Variants in SPDYE14 observed in about 807,000 individuals in gnomAD.
The protein encoded by SPDYE14 is speedy protein E14.
the SPDYE14 span, among the ~76,000 whole-genome samples, chr7:75,240,632 T>TAA: frequency 1.8e-5 from 1 of 54,286 alleles, no homozygotes; most frequent in African/African-American, 5.6e-5. Context: ...ACAACAACAA[T>TAA]AAAAAAAAAA....
chr7:75,237,688 G>T, the SPDYE14 span: 1 of 104,838 alleles, frequency 9.5e-6, no homozygotes, highest in African/African-American at 2.7e-5. Context: ...GGAGCAGCTG[G>T]TGTTCGCTGT....
At chr7:75,275,739 TAAAAA>T in the SPDYE14 span, among the ~76,000 whole-genome samples, 65 of 14,552 alleles carry the variant, frequency 4.5e-3, 23 homozygotes, top group Non-Finnish European at 9.6e-3. Context: ...AAAAATAAAT[TAAAAA>T]AAAAAAAAAA....
At chr7:75,278,953 A>G in the SPDYE14 span, among the ~76,000 whole-genome samples, 1 of 97,250 alleles carries the variant, frequency 1.0e-5, no homozygotes, top group Non-Finnish European at 2.1e-5. Flanking sequence ...AAAAAAAAAA[A>G]AAAAAAATAG....
the SPDYE14 span, among the ~76,000 whole-genome samples, chr7:75,247,481 A>AAAAG: frequency 8.0e-3 from 881 of 109,632 alleles, 67 homozygotes; most frequent in African/African-American, 0.012. Context: ...AGAAAGAAAG[A>AAAAG]AAAGAAAGAA....
the SPDYE14 span, among the ~76,000 whole-genome samples, chr7:75,249,139 GAATT>G: frequency 3.1e-5 from 1 of 32,660 alleles, no homozygotes; most frequent in African/African-American, 8.0e-5. Context: ...GGTAATGAGT[GAATT>G]CTTGCTCTAT....
chr7:75,249,533 G>A, the SPDYE14 span, among the ~76,000 whole-genome samples: 1 of 132,962 alleles, frequency 7.5e-6, no homozygotes, highest in African/African-American at 3.0e-5. Context: ...CCTGGAGAAG[G>A]TGTGGCTGTG....
At chr7:75,261,051 G>C in the SPDYE14 span, among the ~76,000 whole-genome samples, 1 of 82,646 alleles carries the variant, frequency 1.2e-5, no homozygotes, top group Non-Finnish European at 3.0e-5. Flanking sequence ...CTTGAACCTG[G>C]GAGGTGGAGG....
chr7:75,275,743 A>T, the SPDYE14 span, among the ~76,000 whole-genome samples: 6 of 26,742 alleles, frequency 2.2e-4, 2 homozygotes, highest in South Asian at 5.0e-3. Context: ...ATAAATTAAA[A>T]AAAAAAAAAA....
chr7:75,275,215 C>G, the SPDYE14 span, among the ~76,000 whole-genome samples: 3 of 55,608 alleles, frequency 5.4e-5, 1 homozygote, highest in African/African-American at 1.3e-4. Context: ...GCCACCACCC[C>G]GTCTGGGAGG....
chr7:75,278,353 G>A, the SPDYE14 span, among the ~76,000 whole-genome samples: 2 of 41,416 alleles, frequency 4.8e-5, 1 homozygote, highest in African/African-American at 1.1e-4. Context: ...AGGCTGAGGC[G>A]GGTGGTTCAT....
chr7:75,275,057 G>C, the SPDYE14 span, among the ~76,000 whole-genome samples: 5 of 58,104 alleles, frequency 8.6e-5, no homozygotes, highest in East Asian at 1.0e-3. Context: ...AGGGAGGTGG[G>C]GGGGTCAGCC....
At chr7:75,265,766 A>C in the SPDYE14 span, among the ~76,000 whole-genome samples, 1 of 14,984 alleles carries the variant, frequency 6.7e-5, no homozygotes, top group African/African-American at 1.3e-4. Flanking sequence ...AAAAAAAAAA[A>C]AAACCACCAA....
chr7:75,250,210 AG>A, the SPDYE14 span, among the ~76,000 whole-genome samples: 3 of 57,360 alleles, frequency 5.2e-5, no homozygotes, highest in African/African-American at 1.8e-4. Context: ...TGGCCAATAC[AG>A]TGAAAGCCTG....
chr7:75,237,828 CGCGG>C, the SPDYE14 span: 1 of 108,004 alleles, frequency 9.3e-6, no homozygotes, highest in Non-Finnish European at 2.2e-5. Flanking sequence ...CTGTTGCTGC[CGCGG>C]GGGCTGGGCG....
chr7:75,240,579 G>A, the SPDYE14 span, among the ~76,000 whole-genome samples: 2 of 49,068 alleles, frequency 4.1e-5, no homozygotes, highest in African/African-American at 5.6e-5. Flanking sequence ...CTGGGCGACA[G>A]AATGAGATTC....
the SPDYE14 span, among the ~76,000 whole-genome samples, chr7:75,273,792 G>A: frequency 1.9e-5 from 1 of 52,822 alleles, no homozygotes; most frequent in Non-Finnish European, 4.8e-5. Context: ...ATGAATTTTG[G>A]AGAGTCCACA....
chr7:75,249,657 T>C, the SPDYE14 span, among the ~76,000 whole-genome samples: 6 of 38,050 alleles, frequency 1.6e-4, no homozygotes, highest in African/African-American at 2.0e-4. Context: ...TCCCTCCCTC[T>C]CTCCTTCCCT....
chr7:75,279,031 G>C, the SPDYE14 span, among the ~76,000 whole-genome samples: 16 of 120,270 alleles, frequency 1.3e-4, 4 homozygotes, highest in Non-Finnish European at 2.5e-4. Context: ...TGAATACTCA[G>C]TGTTGGCAGA....
the SPDYE14 span, among the ~76,000 whole-genome samples, chr7:75,268,895 A>AGAGGGAG: frequency 1.1e-4 from 1 of 9,392 alleles, no homozygotes; most frequent in African/African-American, 2.7e-4. Context: ...GAGAGAGAGA[A>AGAGGGAG]AGGAAATGGC....
Sources: allele counts gnomAD v4.1 joint callset (sites outside exome capture counted in the v4.1 genomes callset), GRCh38; gene constraint gnomAD v4.1.1; transcripts MANE v1.5; gene names NCBI Gene and HGNC (gene_info 2026-07-23, HGNC 2026-07-21).